Variants in CADM2 observed in about 807,000 individuals in gnomAD.
The protein encoded by CADM2 is immunoglobulin superfamily member 4D.
CADM2 carries 12 observed loss-of-function variants against 49.8 expected under a neutral mutation model. The ratio of observed to expected loss-of-function variants is 0.24; its 90% CI spans 0.15 to 0.39. The LOEUF (loss-of-function observed/expected upper bound fraction) is 0.39. CADM2 is among the 10% of genes least tolerant of loss of function. CADM2 has a pLI of 1.00. For synonymous variants in CADM2, 214 were observed against 175.4 expected (o/e 1.22, Z -1.74); for missense variants, 378 against 492.3 (o/e 0.77, Z 2.20).
intron 1 of CADM2, among the ~76,000 whole-genome samples, chr3:85,339,953 T>C (rs1576376164): frequency 6.6e-6 from 1 of 151,358 alleles, no homozygotes; most frequent in South Asian, 2.1e-4. Context: ...ACCCATGAGA[T>C]GTAAGATTAA....
chr3:85,470,219 A>G (rs2038706539), intron 1 of CADM2, among the ~76,000 whole-genome samples: 1 of 152,206 alleles, frequency 6.6e-6, no homozygotes, highest in African/African-American at 2.4e-5. Context: ...AACAGTGTTT[A>G]TATTCTCATA....
chr3:85,365,774 C>A (rs190089852), intron 1 of CADM2, among the ~76,000 whole-genome samples: 11 of 152,120 alleles, frequency 7.2e-5, no homozygotes, highest in Admixed American at 7.2e-4. Context: ...TGTAAATTCT[C>A]ACATTTAAAA....
At chr3:85,353,831 A>T (rs2031590088) in intron 1 of CADM2, among the ~76,000 whole-genome samples, 1 of 152,008 alleles carries the variant, frequency 6.6e-6, no homozygotes, top group Non-Finnish European at 1.5e-5. Flanking sequence ...TTATAATGAA[A>T]ATTTGGCCAT....
chr3:85,486,433 TG>T (rs2039419548), intron 1 of CADM2, among the ~76,000 whole-genome samples: 1 of 152,136 alleles, frequency 6.6e-6, no homozygotes, highest in South Asian at 2.1e-4. Flanking sequence ...TTTAATAGCT[TG>T]GGAGAAAAGA....
At chr3:85,041,585 A>G (rs1383767468) in intron 1 of CADM2, among the ~76,000 whole-genome samples, 1 of 152,150 alleles carries the variant, frequency 6.6e-6, no homozygotes, top group Non-Finnish European at 1.5e-5. Context: ...CCAGGTACCA[A>G]GGCTCTTCTT....
At chr3:85,702,722 C>T (rs1039434947) in intron 1 of CADM2, among the ~76,000 whole-genome samples, 7 of 151,996 alleles carry the variant, frequency 4.6e-5, no homozygotes, top group Non-Finnish European at 4.4e-5. Context: ...TGAAATCTCC[C>T]GAAGAGGAAA....
intron 1 of CADM2, among the ~76,000 whole-genome samples, chr3:85,372,300 A>T (rs1343773569): frequency 6.6e-6 from 1 of 151,908 alleles, no homozygotes; most frequent in Non-Finnish European, 1.5e-5. Flanking sequence ...ATGTTTGTCC[A>T]AAAGGAATGT....
At chr3:85,285,625 G>T (rs77626421) in intron 1 of CADM2, among the ~76,000 whole-genome samples, 15,842 of 151,944 alleles carry the variant, frequency 0.1, 970 homozygotes, top group African/African-American at 0.17. Context: ...AAATTAATAT[G>T]AATAAAGTCT....
At chr3:85,889,002 CAAATTCAATT>C (rs924030501) in intron 5 of CADM2, among the ~76,000 whole-genome samples, 20 of 152,096 alleles carry the variant, frequency 1.3e-4, no homozygotes, top group Non-Finnish European at 2.4e-4. Context: ...ACAGGCTAAT[CAAATTCAATT>C]AAATTCAATT....
chr3:85,971,653 A>G (rs746824360), intron 8 of CADM2, among the ~76,000 whole-genome samples: 1 of 151,708 alleles, frequency 6.6e-6, no homozygotes, highest in African/African-American at 2.4e-5. Context: ...AGGAAAGAGT[A>G]GGAAAGGGCT....
At chr3:85,282,759 A>G (rs902957459) in intron 1 of CADM2, among the ~76,000 whole-genome samples, 1 of 152,160 alleles carries the variant, frequency 6.6e-6, no homozygotes, top group Admixed American at 6.6e-5. Flanking sequence ...TATTAAAACA[A>G]TAGAACTGTA....
rs529502639 is a variant in CADM2, at chr3:85,664,893, C to A, written c.62-61629C>A. Among the ~76,000 whole-genome samples the A allele has an allele frequency of 2.5e-4, 38 of 151,974 alleles. 1 individual carries two copies. The South Asian group carries it at 7.9e-3, about 32-fold the overall frequency. On this transcript the variant is annotated intron_variant, in intron 1 of 9. Coordinates refer to ENST00000383699, the MANE Select transcript of CADM2 (RefSeq NM_001167675.2). ...TGTCCTCCTTTTCAGATATTTTTTCCCATTGCATTCATCACTACTGATAAT... is the reference window on the plus strand; with the variant it reads ...TGTCCTCCTTTTCAGATATTTTTTCACATTGCATTCATCACTACTGATAAT...
chr3:86,060,482 A>G (rs1231361677), intron 8 of CADM2, among the ~76,000 whole-genome samples: 1 of 152,156 alleles, frequency 6.6e-6, no homozygotes, highest in Non-Finnish European at 1.5e-5. Flanking sequence ...ATCAGAACAG[A>G]GAGTCTTTGT....
intron 1 of CADM2, among the ~76,000 whole-genome samples, chr3:85,344,387 A>ATAAG (rs2030330707): frequency 8.1e-6 from 1 of 123,946 alleles, no homozygotes; most frequent in Admixed American, 8.8e-5. Flanking sequence ...CTCAAAATAA[A>ATAAG]TAAATAAATA....
At chr3:85,924,744 A>G (rs1488488829) in intron 6 of CADM2, among the ~76,000 whole-genome samples, 2 of 152,220 alleles carry the variant, frequency 1.3e-5, no homozygotes, top group African/African-American at 2.4e-5. Flanking sequence ...CATTGCTTCT[A>G]TGCCTCTCCT....
chr3:85,617,474 G>A (rs555532395), intron 1 of CADM2, among the ~76,000 whole-genome samples: 1 of 152,268 alleles, frequency 6.6e-6, no homozygotes, highest in South Asian at 2.1e-4. Flanking sequence ...GCACGCAGAT[G>A]AGTTTTGTTC....
intron 1 of CADM2, among the ~76,000 whole-genome samples, chr3:85,261,429 T>C (rs1446263294): frequency 6.6e-6 from 1 of 152,152 alleles, no homozygotes; most frequent in Non-Finnish European, 1.5e-5. Flanking sequence ...CCACAGCGCC[T>C]GGCCTCTGAT....
intron 6 of CADM2, among the ~76,000 whole-genome samples, chr3:85,925,797 A>G (rs1299533367): frequency 6.6e-6 from 1 of 152,134 alleles, no homozygotes; most frequent in Non-Finnish European, 1.5e-5. Context: ...GTAGCTCCCT[A>G]TCTTTTGTAA....
At chr3:85,894,370 T>A (rs887582064) in intron 5 of CADM2, among the ~76,000 whole-genome samples, 3 of 151,998 alleles carry the variant, frequency 2.0e-5, no homozygotes, top group African/African-American at 7.3e-5. Context: ...TGGGGAGGGA[T>A]AGCATTAGGA....
Sources: allele counts gnomAD v4.1 joint callset (sites outside exome capture counted in the v4.1 genomes callset), GRCh38; gene constraint gnomAD v4.1.1; transcripts MANE v1.5; gene names NCBI Gene and HGNC (gene_info 2026-07-23, HGNC 2026-07-21).